ST6GALNAC5: variants seen among roughly 807,000 people sequenced by gnomAD.
ST6GALNAC5 encodes the protein ST6 N-acetylgalactosaminide alpha-2,6-sialyltransferase 5.
A neutral mutation model predicts 33.6 loss-of-function variants in ST6GALNAC5; 27 were observed. That is an observed-to-expected ratio of 0.80 (90% CI 0.59 to 1.11). ST6GALNAC5 has a LOEUF of 1.11. Ranked by LOEUF, ST6GALNAC5 falls within the 50% of genes least tolerant of loss-of-function variation. The pLI, the probability that ST6GALNAC5 is intolerant of heterozygous loss-of-function variation, is 0.00. For synonymous variants in ST6GALNAC5, 194 were observed against 171.2 expected (o/e 1.13, Z -1.04); for missense variants, 428 against 454.0 (o/e 0.94, Z 0.52).
chr1:76,999,558 T>C (rs1000037143), intron 2 of ST6GALNAC5, among the ~76,000 whole-genome samples: 1 of 151,620 alleles, frequency 6.6e-6, no homozygotes, highest in African/African-American at 2.4e-5. Context: ...GTTACATATG[T>C]ATACATGTGC....
chr1:77,027,386 T>C (rs955440679), intron 2 of ST6GALNAC5, among the ~76,000 whole-genome samples: 2 of 152,200 alleles, frequency 1.3e-5, no homozygotes, highest in East Asian at 1.9e-4. Flanking sequence ...TGACCATTTA[T>C]TGAGCGTTTA....
intron 2 of ST6GALNAC5, among the ~76,000 whole-genome samples, chr1:77,004,111 C>T (rs1294197858): frequency 2.6e-5 from 4 of 151,120 alleles, no homozygotes; most frequent in African/African-American, 9.7e-5. Flanking sequence ...CCATTCTCCC[C>T]ATCACTTTCA....
chr1:76,983,233 C>G (rs149396954), intron 2 of ST6GALNAC5, among the ~76,000 whole-genome samples: 1,685 of 152,240 alleles, frequency 0.011, 33 homozygotes, highest in African/African-American at 0.039. Flanking sequence ...GATAAAGAGT[C>G]AAGACCCATC....
At position 76,868,555 on chromosome 1, in the gene ST6GALNAC5, T is replaced by A; in HGVS notation, c.74T>A (p.Val25Glu). The A allele has an allele frequency of 1.2e-6, 2 of 1,613,306 alleles. No homozygotes were observed. The highest frequency in any genetic ancestry group is 1.7e-6 in the Non-Finnish European group (2 of 1,179,560). Reference sequence around the variant, plus strand: ...ACCATGTGCACCAGCTTGTTGCTAGTGTACAGCAGCCTCGGCGGCCAGAAG... The same window carrying A: ...ACCATGTGCACCAGCTTGTTGCTAGAGTACAGCAGCCTCGGCGGCCAGAAG... ...LTTMCTSLLL[V>E]YSSLGGQKER... is the part of the protein sequence containing the mutation. The change falls in exon 2 of 5, where the codon GTG becomes GAG. Residue 25 changes from valine to glutamate, a missense_variant. Transcript: ENST00000477717. The surrounding 1 kb of genome is among the most constrained non-coding windows in gnomAD (Gnocchi z 4.3).
rs547493643 is a variant in ST6GALNAC5 at position 77,011,220 on chromosome 1, A to G, written c.262-32984A>G. On this transcript the variant is annotated intron_variant, in intron 2 of 4. Transcript: ENST00000477717. The stretch of plus-strand genomic sequence containing the variant: ...TAATGAGAGCTTTTGGCCGTGAGAA[A>G]CACTGCCTCCCCAAGCAGCATTCAG... 3.9e-5 allele frequency among the ~76,000 whole-genome samples: 6 copies of G among 152,308 alleles called. No individual in the cohort carries two copies. In the South Asian group the frequency reaches 1.2e-3, roughly 32 times the overall value.
At chr1:77,042,150 G>A (rs1260803256) in intron 2 of ST6GALNAC5, among the ~76,000 whole-genome samples, 1 of 152,150 alleles carries the variant, frequency 6.6e-6, no homozygotes, top group African/African-American at 2.4e-5. Flanking sequence ...CTATCTTAGA[G>A]TATTATTTGA....
At chr1:77,015,789 A>G (rs1180859638) in intron 2 of ST6GALNAC5, among the ~76,000 whole-genome samples, 1 of 152,058 alleles carries the variant, frequency 6.6e-6, no homozygotes, top group Non-Finnish European at 1.5e-5. Context: ...TTTCAGGCAG[A>G]GGGAACAGCA....
At chr1:76,973,656 T>C (rs911648715) in intron 2 of ST6GALNAC5, among the ~76,000 whole-genome samples, 1 of 152,134 alleles carries the variant, frequency 6.6e-6, no homozygotes, top group African/African-American at 2.4e-5. Flanking sequence ...TTTTGTGTCA[T>C]TTTTGGAAGA....
chr1:76,970,487 G>C (rs142670953), intron 2 of ST6GALNAC5, among the ~76,000 whole-genome samples: 5 of 151,862 alleles, frequency 3.3e-5, no homozygotes, highest in African/African-American at 1.2e-4. Flanking sequence ...GAAATAAAGC[G>C]AGAAGAGAAG....
intron 2 of ST6GALNAC5, among the ~76,000 whole-genome samples, chr1:77,002,622 G>T (rs1460723395): frequency 6.6e-6 from 1 of 150,514 alleles, no homozygotes; most frequent in Non-Finnish European, 1.5e-5. Flanking sequence ...TCTCTTGTGG[G>T]CATTTAGTGC....
intron 2 of ST6GALNAC5, among the ~76,000 whole-genome samples, chr1:76,887,175 G>C (rs1389336702): frequency 6.6e-6 from 1 of 152,076 alleles, no homozygotes. Flanking sequence ...CTTTATAAGG[G>C]AGAAAAGAAG....
intron 2 of ST6GALNAC5, among the ~76,000 whole-genome samples, chr1:76,907,645 A>G (rs1342657185): frequency 6.6e-6 from 1 of 152,088 alleles, no homozygotes; most frequent in African/African-American, 2.4e-5. Flanking sequence ...GTGAGTTTAA[A>G]TTCCTCCAAC....
intron 2 of ST6GALNAC5, among the ~76,000 whole-genome samples, chr1:76,984,723 T>G (rs1182518649): frequency 2.0e-5 from 3 of 152,180 alleles, no homozygotes; most frequent in Non-Finnish European, 1.5e-5. Flanking sequence ...AAAAGAGAAT[T>G]TTAGATGAAT....
intron 2 of ST6GALNAC5, among the ~76,000 whole-genome samples, chr1:76,969,399 C>G (rs1195724591): frequency 6.6e-6 from 1 of 152,206 alleles, no homozygotes; most frequent in East Asian, 1.9e-4. Context: ...TCAGCAAGTC[C>G]CACTCCCATG....
intron 4 of ST6GALNAC5, among the ~76,000 whole-genome samples, chr1:77,058,417 G>A (rs751704586): frequency 5.3e-5 from 8 of 152,194 alleles, no homozygotes; most frequent in Non-Finnish European, 8.8e-5. Context: ...TCCCTGGGGC[G>A]GGGCATGAGT....
chr1:77,052,592 T>A (rs567575981), intron 4 of ST6GALNAC5, among the ~76,000 whole-genome samples: 6 of 151,898 alleles, frequency 4.0e-5, no homozygotes, highest in African/African-American at 1.4e-4. Flanking sequence ...ATTATTAATA[T>A]TATCCCAAGC....
intron 4 of ST6GALNAC5, among the ~76,000 whole-genome samples, chr1:77,058,037 G>A (rs1035849270): frequency 2.0e-5 from 3 of 152,146 alleles, no homozygotes; most frequent in East Asian, 1.9e-4. Flanking sequence ...GGAGGAAAGC[G>A]GCAAGGACAA....
chr1:77,025,574 A>G (rs1464509563), intron 2 of ST6GALNAC5, among the ~76,000 whole-genome samples: 1 of 152,132 alleles, frequency 6.6e-6, no homozygotes, highest in East Asian at 1.9e-4. Flanking sequence ...AATGTCACTA[A>G]TAAAGGTCTG....
chr1:76,938,214 G>A (rs1340150400), intron 2 of ST6GALNAC5, among the ~76,000 whole-genome samples: 1 of 152,036 alleles, frequency 6.6e-6, no homozygotes, highest in Non-Finnish European at 1.5e-5. Flanking sequence ...GCATGGTGTG[G>A]TGAAGGCAGA....
Sources: gnomAD v4.1 joint callset for allele counts (sites outside exome capture counted in the v4.1 genomes callset) on GRCh38, gnomAD v4.1.1 for gene constraint, Gnocchi (gnomAD v3.1) non-coding constraint, MANE v1.5 for transcripts, NCBI Gene and HGNC (gene_info 2026-07-23, HGNC 2026-07-21) for gene names.